Variants in PCBP3 observed in about 807,000 individuals in gnomAD.
PCBP3 encodes the protein poly(rC)-binding protein 3.
Under a neutral mutation model 52.7 loss-of-function variants are expected in PCBP3, and 25 were observed. That is an observed-to-expected ratio of 0.47 (90% confidence interval 0.35 to 0.66). The LOEUF (loss-of-function observed/expected upper bound fraction) is 0.66, where lower values mean the gene tolerates loss of function less well. Ranked by LOEUF, PCBP3 falls within the 30% of genes least tolerant of loss-of-function variation. The pLI is 0.01. For synonymous variants in PCBP3, 162 were observed against 183.0 expected, an observed-to-expected ratio of 0.89 and a Z score of 0.93; for missense variants, 391 against 490.3, an observed-to-expected ratio of 0.80 and a Z score of 1.91.
rs2093015450 is a variant in PCBP3, at chr21:45,817,928, A to G, written c.-125-32033A>G. The stretch of plus-strand genomic sequence containing the variant: ...CAATACAGAAAAATTATTGGAAAGT[A>G]TAGAGCGTGCCACCTCCTCCCCTCA... On this transcript the variant is annotated intron_variant, in intron 4 of 17. Coordinates refer to ENST00000681687, the MANE Select transcript of PCBP3 (RefSeq NM_001384156.1). This position sits in a 1 kb window ranked among gnomAD's most constrained non-coding sequence, Gnocchi z 4.3. 6.6e-6 allele frequency among the ~76,000 whole-genome samples: 1 copy of G among 152,248 alleles called. No homozygotes were observed. The highest frequency in any genetic ancestry group is 6.5e-5 in the Admixed American group (1 of 15,286).
chr21:45,647,509 G>A (rs2079396101), intron 1 of PCBP3, among the ~76,000 whole-genome samples: 1 of 152,218 alleles, frequency 6.6e-6, no homozygotes, highest in Non-Finnish European at 1.5e-5. Flanking sequence ...GAGAATCAGG[G>A]AAAGCTTTAG....
intron 4 of PCBP3, among the ~76,000 whole-genome samples, chr21:45,757,960 C>T (rs187991221): frequency 5.3e-5 from 8 of 151,736 alleles, no homozygotes; most frequent in Admixed American, 2.0e-4. Context: ...GATCTCGGCT[C>T]ACTGCAACCT....
chr21:45,712,266 G>C (rs963626263), intron 2 of PCBP3, among the ~76,000 whole-genome samples: 1 of 152,172 alleles, frequency 6.6e-6, no homozygotes, highest in South Asian at 2.1e-4. Context: ...GCAAATACCA[G>C]GGAGCACAAT....
At chr21:45,873,928 T>C (rs914694992) in intron 5 of PCBP3, among the ~76,000 whole-genome samples, 1 of 152,254 alleles carries the variant, frequency 6.6e-6, no homozygotes, top group African/African-American at 2.4e-5. Context: ...CGTGCCTGGC[T>C]AATCTTCAAA....
intron 5 of PCBP3, among the ~76,000 whole-genome samples, chr21:45,868,422 TTTTTTTTTTTA>T (rs2094845268): frequency 8.3e-6 from 1 of 120,626 alleles, no homozygotes; most frequent in African/African-American, 2.8e-5. Flanking sequence ...TTTTTTTTTT[TTTTTTTTTTTA>T]AATAAAGGAT....
At position 45,791,571 on chromosome 21, in the gene PCBP3, G is replaced by A. The variant is rs766725545; in HGVS notation, c.-126+36119G>A. Reference sequence around the variant, plus strand: ...GGGCTAGGGAAGGAGAGAAGCTCGCGAGGGAGGTGTGCAACAGCCGGAAGG... The same window carrying A: ...GGGCTAGGGAAGGAGAGAAGCTCGCAAGGGAGGTGTGCAACAGCCGGAAGG... On this transcript the variant is annotated intron_variant, in intron 4 of 17. Coordinates refer to ENST00000681687, the MANE Select transcript of PCBP3 (RefSeq NM_001384156.1). This position sits in a 1 kb window ranked among gnomAD's most constrained non-coding sequence, Gnocchi z 4.2. 2.6e-5 allele frequency among the ~76,000 whole-genome samples: 4 copies of A among 152,238 alleles called. No homozygotes were observed. Among genetic ancestry groups the A allele is most frequent in the Non-Finnish European group, 4.4e-5 (3 of 68,036 alleles).
chr21:45,858,444 A>G (rs1208972080), intron 5 of PCBP3: 1 of 152,206 alleles, frequency 6.6e-6, no homozygotes, highest in African/African-American at 2.4e-5. Context: ...TAAGCTGTTT[A>G]TTGACACTGT....
chr21:45,867,614 G>A (rs2094798235), intron 5 of PCBP3, among the ~76,000 whole-genome samples: 1 of 152,266 alleles, frequency 6.6e-6, no homozygotes, highest in Admixed American at 6.5e-5. Flanking sequence ...AGGTGTTTGC[G>A]ACGTGATTGT....
Position 45,724,710 on chromosome 21 carries a change from G to GC in PCBP3, c.-199-10676dup, listed in dbSNP as rs1215788153. The stretch of plus-strand genomic sequence containing the variant: ...CTCGGTGGGATCTGAAAGAGAACCC[G>GC]CCCCCCTCAGCTGGAGTGGCACTCT... On this transcript the variant is annotated intron_variant, in intron 2 of 17. Coordinates refer to ENST00000681687, the MANE Select transcript of PCBP3 (RefSeq NM_001384156.1). This position sits in a 1 kb window ranked among gnomAD's most constrained non-coding sequence, Gnocchi z 5.3. 6.6e-6 allele frequency among the ~76,000 whole-genome samples: 1 copy of GC among 151,596 alleles called. No individual in the cohort carries two copies. The highest frequency in any genetic ancestry group is 6.6e-5 in the Admixed American group (1 of 15,252).
At chr21:45,936,274 C>T (rs1456991387) in intron 16 of PCBP3, among the ~76,000 whole-genome samples, 3 of 152,198 alleles carry the variant, frequency 2.0e-5, no homozygotes, top group African/African-American at 7.2e-5. Flanking sequence ...AGGAATGGAC[C>T]ATGAGGCTGT....
chr21:45,657,864 C>G lies in PCBP3; in HGVS notation c.-278-11010C>G, dbSNP rs181974984. 2.2e-3 allele frequency among the ~76,000 whole-genome samples: 328 copies of G among 152,290 alleles called. 3 individuals are homozygous for G. Among genetic ancestry groups the G allele is most frequent in the African/African-American group, 7.6e-3 (318 of 41,570 alleles). On this transcript the variant is annotated intron_variant, in intron 1 of 17. Coordinates refer to ENST00000681687, the MANE Select transcript of PCBP3 (RefSeq NM_001384156.1). ...ATTATATTATCTGCAGATATAGATA[C>G]TTTTAATTCTTTGCTTCTAATCTGC...
chr21:45,881,631 C>T (rs568207182), intron 5 of PCBP3, among the ~76,000 whole-genome samples: 1 of 152,278 alleles, frequency 6.6e-6, no homozygotes, highest in African/African-American at 2.4e-5. Flanking sequence ...TGTTCTTACC[C>T]ATAGTCACTG....
intron 2 of PCBP3, among the ~76,000 whole-genome samples, chr21:45,684,938 A>G (rs2082065421): frequency 6.6e-6 from 1 of 152,222 alleles, no homozygotes; most frequent in Admixed American, 6.5e-5. Flanking sequence ...ATGGAATAAA[A>G]CACACAGAAG....
At chr21:45,828,766 T>G (rs1238044338) in intron 4 of PCBP3, 1 of 152,412 alleles carries the variant, frequency 6.6e-6, no homozygotes, top group Non-Finnish European at 1.5e-5. Context: ...CCTGGGAGAG[T>G]GTGTGTCCCT....
chr21:45,692,747 C>T (rs2082557411), intron 2 of PCBP3, among the ~76,000 whole-genome samples: 1 of 152,044 alleles, frequency 6.6e-6, no homozygotes, highest in Non-Finnish European at 1.5e-5. Context: ...TTCCAGAAAA[C>T]AGAAGAGAGG....
chr21:45,816,083 ATGAGTGG>A (rs1456894601), intron 4 of PCBP3, among the ~76,000 whole-genome samples: 9 of 57,040 alleles, frequency 1.6e-4, no homozygotes, highest in Non-Finnish European at 2.5e-4. Flanking sequence ...GTGGTGAGTG[ATGAGTGG>A]TGAGTGGTGA....
intron 13 of PCBP3, among the ~76,000 whole-genome samples, chr21:45,924,338 C>T (rs2075015931): frequency 2.4e-5 from 3 of 124,038 alleles, no homozygotes; most frequent in Admixed American, 7.8e-5. Flanking sequence ...CACGTAAGAT[C>T]GGGTGTGCGT....
At chr21:45,687,661 A>G (rs1370923026) in intron 2 of PCBP3, among the ~76,000 whole-genome samples, 1 of 152,224 alleles carries the variant, frequency 6.6e-6, no homozygotes, top group East Asian at 1.9e-4. Flanking sequence ...ATAAAGATAC[A>G]ACTAGGTTAG....
At chr21:45,728,243 T>C (rs1251838383) in intron 2 of PCBP3, among the ~76,000 whole-genome samples, 1 of 152,258 alleles carries the variant, frequency 6.6e-6, no homozygotes, top group African/African-American at 2.4e-5. Context: ...AGGTCCTTTA[T>C]CAGGTTCAGA....
Sources: gnomAD v4.1 joint callset for allele counts (sites outside exome capture counted in the v4.1 genomes callset) on GRCh38, gnomAD v4.1.1 for gene constraint, Gnocchi (gnomAD v3.1) non-coding constraint, MANE v1.5 for transcripts, NCBI Gene and HGNC (gene_info 2026-07-23, HGNC 2026-07-21) for gene names.